The following ABCC1 variants were observed in gnomAD, a reference collection of about 807,000 sequenced individuals.
ABCC1 encodes multidrug resistance-associated protein 1.
ABCC1 carries 83 observed loss-of-function variants against 172.9 expected under a neutral mutation model. The ratio of observed to expected loss-of-function variants is 0.48; its 90% CI spans 0.40 to 0.58. The LOEUF (loss-of-function observed/expected upper bound fraction) is 0.58. Among genes scored for constraint, ABCC1 ranks in the 20% least tolerant of loss-of-function variants. ABCC1 has a pLI of 0.00. For missense variants in ABCC1, 1,817 were observed against 2,002.7 expected, an observed-to-expected ratio of 0.91 and a Z score of 1.77; for synonymous variants, 937 against 825.2, an observed-to-expected ratio of 1.14 and a Z score of -2.32.
chr16:16,132,616 G>C (rs933535899), intron 27 of ABCC1, among the ~76,000 whole-genome samples: 6 of 145,646 alleles, frequency 4.1e-5, no homozygotes, highest in African/African-American at 1.5e-4. Flanking sequence ...CTGCCTCCTG[G>C]GTTCAAGTGA....
chr16:16,106,634 T>A, intron 20 of ABCC1, 104 bp from the exon 21 acceptor site: 1 of 1,419,142 alleles, frequency 7.0e-7, no homozygotes, highest in Non-Finnish European at 9.7e-7. Context: ...ACACTCCGTC[T>A]CTTATGCCAT....
At chr16:16,032,638 T>C (rs1002782815) in intron 5 of ABCC1, among the ~76,000 whole-genome samples, 3 of 152,268 alleles carry the variant, frequency 2.0e-5, no homozygotes, top group Admixed American at 6.5e-5. Flanking sequence ...TAGCACATAG[T>C]AGATGGTCAA....
At chr16:16,115,685 C>A (rs1281454522) in intron 23 of ABCC1, among the ~76,000 whole-genome samples, 1 of 151,962 alleles carries the variant, frequency 6.6e-6, no homozygotes, top group African/African-American at 2.4e-5. Context: ...AGTTCTTAAG[C>A]CTCCTGCAGG....
intron 16 of ABCC1, 26 bp from the exon 17 acceptor site, chr16:16,083,340 C>T (rs1188270942): frequency 1.2e-6 from 2 of 1,608,954 alleles, no homozygotes; most frequent in African/African-American, 1.3e-5. Context: ...GTGTCTGTCT[C>T]ACCTCGTTCT....
chr16:16,130,537 T>G (rs192678126), intron 26 of ABCC1, among the ~76,000 whole-genome samples: 3 of 152,322 alleles, frequency 2.0e-5, no homozygotes, highest in Non-Finnish European at 2.9e-5. Flanking sequence ...CTCTCTGTAT[T>G]GCGCTCCTCA....
chr16:16,075,174 ACAT>A (rs1409202994), intron 14 of ABCC1, among the ~76,000 whole-genome samples: 2 of 151,912 alleles, frequency 1.3e-5, no homozygotes, highest in Non-Finnish European at 2.9e-5. Context: ...CGAACTCCTG[ACAT>A]CAGGTGATCT....
At chr16:15,982,481 G>T (rs763936693) in intron 1 of ABCC1, among the ~76,000 whole-genome samples, 4 of 151,918 alleles carry the variant, frequency 2.6e-5, no homozygotes, top group Non-Finnish European at 5.9e-5. Context: ...AGCAAAATCA[G>T]ATCTTGTGAG....
intron 5 of ABCC1, among the ~76,000 whole-genome samples, chr16:16,018,160 CTG>C (rs2048071344): frequency 6.6e-6 from 1 of 152,106 alleles, no homozygotes; most frequent in Non-Finnish European, 1.5e-5. Context: ...GCCTAAACCT[CTG>C]TGAGGGGCAG....
At chr16:16,021,721 C>T (rs1243017090) in intron 5 of ABCC1, among the ~76,000 whole-genome samples, 1 of 152,100 alleles carries the variant, frequency 6.6e-6, no homozygotes, top group Non-Finnish European at 1.5e-5. Flanking sequence ...AAACAACGAA[C>T]AAATGAACAA....
At chr16:16,111,146 G>A (rs1332449371) in intron 21 of ABCC1, among the ~76,000 whole-genome samples, 2 of 152,180 alleles carry the variant, frequency 1.3e-5, no homozygotes, top group Non-Finnish European at 2.9e-5. Context: ...TGATCTGCCC[G>A]CCTCAGCCTC....
At chr16:16,115,120 A>C (rs749240529) in intron 23 of ABCC1, 44 bp downstream of exon 23, 10 of 1,575,660 alleles carry the variant, frequency 6.3e-6, no homozygotes, top group Non-Finnish European at 7.8e-6. Context: ...CCTACTGTGC[A>C]TTATATACCA....
intron 29 of ABCC1, among the ~76,000 whole-genome samples, chr16:16,137,726 C>T (rs1175557171): frequency 6.6e-6 from 1 of 151,618 alleles, no homozygotes; most frequent in East Asian, 2.0e-4. Flanking sequence ...TTAAATTTTG[C>T]ATTTTTAGTA....
chr16:16,007,355 G>C (rs1340294775), intron 1 of ABCC1, among the ~76,000 whole-genome samples: 1 of 152,096 alleles, frequency 6.6e-6, no homozygotes, highest in Non-Finnish European at 1.5e-5. Flanking sequence ...AGCCGCCTGA[G>C]TGGCTGGGAA....
In ABCC1 at chr16:16,090,559, C is replaced by T. The variant is rs1362592973; in HGVS notation, c.2615C>T (p.Thr872Ile). 1 of 1,611,518 alleles carries T rather than the reference C, an allele frequency of 6.2e-7. No individual in the cohort carries two copies. The highest frequency in any genetic ancestry group is 2.2e-5 in the East Asian group (1 of 44,806). Residue 872 changes from threonine (T) to isoleucine (I), a missense_variant, in exon 19 of 31, where the codon ACA becomes ATA. Thr to Ile is a moderately conservative substitution (Grantham distance 89). Transcript: ENST00000399410. The part of the protein sequence containing the change: ...FAEFLRTYAS[T>I]EQEQDAEENG... ...GAGTTCCTGCGTACCTATGCCAGCA[C>T]AGAGCAGGAGCAGGATGCAGAGGAG...
chr16:15,952,220 A>G (rs866273021), intron 1 of ABCC1, among the ~76,000 whole-genome samples: 2 of 152,198 alleles, frequency 1.3e-5, no homozygotes, highest in Admixed American at 6.6e-5. Context: ...GAGATAAACA[A>G]TGGTTAGTAT....
intron 1 of ABCC1, among the ~76,000 whole-genome samples, chr16:15,982,380 T>C (rs1341397084): frequency 6.6e-6 from 1 of 151,998 alleles, no homozygotes; most frequent in Non-Finnish European, 1.5e-5. Context: ...CTTGTAATCA[T>C]GGTAGAAGGG....
chr16:16,056,475 T>G, intron 12 of ABCC1, 180 bp downstream of exon 12: 1 of 646,694 alleles, frequency 1.5e-6, no homozygotes. Context: ...AAGACCAGCC[T>G]GGCCAACATG....
intron 20 of ABCC1, 56 bp downstream of exon 20, chr16:16,102,773 CAA>C: frequency 2.0e-6 from 3 of 1,512,230 alleles, no homozygotes; most frequent in Non-Finnish European, 2.7e-6. Context: ...AGTGGGAGGA[CAA>C]GAGGAGGAAC....
At chr16:16,105,714 C>CTTTTT (rs71137912) in intron 20 of ABCC1, among the ~76,000 whole-genome samples, 30 of 130,350 alleles carry the variant, frequency 2.3e-4, no homozygotes, top group South Asian at 4.9e-4. Flanking sequence ...CTTTTCTTTT[C>CTTTTT]TTTTTTTTTT....
Sources: allele counts gnomAD v4.1 joint callset (sites outside exome capture counted in the v4.1 genomes callset), GRCh38; gene constraint gnomAD v4.1.1; transcripts MANE v1.5; gene names NCBI Gene and HGNC (gene_info 2026-07-23, HGNC 2026-07-21).